The following GALNTL6 variants were observed in gnomAD, a reference collection of about 807,000 sequenced individuals.
GALNTL6 encodes the protein polypeptide N-acetylgalactosaminyltransferase-like 6.
In GALNTL6, 46 loss-of-function variants were observed where a neutral mutation model predicts 73.7. That is an observed-to-expected ratio of 0.62 (90% CI 0.49 to 0.80). The LOEUF (loss-of-function observed/expected upper bound fraction) is 0.80. Ranked by LOEUF, GALNTL6 falls within the 30% of genes least tolerant of loss-of-function variation. The pLI, the probability that GALNTL6 is intolerant of heterozygous loss-of-function variation, is 0.00. For missense variants in GALNTL6, 604 were observed against 755.0 expected (o/e 0.80, Z 2.34); for synonymous variants, 259 against 263.7 (o/e 0.98, Z 0.17).
intron 4 of GALNTL6, among the ~76,000 whole-genome samples, chr4:172,312,342 T>C (rs1229253122): frequency 6.6e-6 from 1 of 152,168 alleles, no homozygotes; most frequent in Non-Finnish European, 1.5e-5. Context: ...CTATATATAC[T>C]TACCCCAAAT....
At chr4:172,930,278 CAA>C (rs201282467) in intron 8 of GALNTL6, among the ~76,000 whole-genome samples, 1 of 135,846 alleles carries the variant, frequency 7.4e-6, no homozygotes. Flanking sequence ...AACTCCATCT[CAA>C]AAAAAAAAAA....
chr4:172,293,136 C>G (rs1739528803), intron 3 of GALNTL6, among the ~76,000 whole-genome samples: 2 of 152,082 alleles, frequency 1.3e-5, no homozygotes, highest in Admixed American at 1.3e-4. Context: ...TCTAAGTCAT[C>G]CTACTCTTCA....
intron 2 of GALNTL6, among the ~76,000 whole-genome samples, chr4:172,047,385 A>G (rs185412512): frequency 2.6e-5 from 4 of 152,286 alleles, no homozygotes; most frequent in African/African-American, 9.6e-5. Context: ...AACATTTATT[A>G]TATCAGAAAT....
intron 2 of GALNTL6, among the ~76,000 whole-genome samples, chr4:172,103,715 G>A (rs1019991109): frequency 6.6e-6 from 1 of 152,158 alleles, no homozygotes; most frequent in African/African-American, 2.4e-5. Flanking sequence ...AGGCTAAAGA[G>A]GATATCTGTG....
At chr4:171,931,795 G>C (rs141563448) in intron 2 of GALNTL6, among the ~76,000 whole-genome samples, 3 of 151,606 alleles carry the variant, frequency 2.0e-5, no homozygotes, top group African/African-American at 7.3e-5. Flanking sequence ...GCTGTCACTT[G>C]TTCACTCCAT....
rs1740438567 is a variant in GALNTL6, at chr4:171,994,726, T to TGAA, written c.138+180009_138+180011dup. Among the ~76,000 whole-genome samples the TGAA allele has an allele frequency of 4.5e-5, 6 of 133,504 alleles. No individual in the cohort carries two copies. In the South Asian group the frequency reaches 9.1e-4, roughly 20 times the overall value. 87.6% of individuals were successfully genotyped at this position (133,504 alleles called of 152,430 possible). A position where few individuals can be genotyped will look rare whatever the true frequency, so the allele number is the denominator to read the frequency against. Reference sequence around the variant, plus strand: ...GTTATTGCTATTGCAATACAAAATATGAAAAAAAAAGAACCAGGAATATCT... The same window carrying TGAA: ...GTTATTGCTATTGCAATACAAAATATGAAGAAAAAAAAAGAACCAGGAATATCT... On this transcript the variant is annotated intron_variant, in intron 2 of 12. Transcript: ENST00000506823.
chr4:172,881,797 T>C (rs1464225284), intron 7 of GALNTL6, among the ~76,000 whole-genome samples: 2 of 152,204 alleles, frequency 1.3e-5, no homozygotes, highest in Non-Finnish European at 2.9e-5. Flanking sequence ...CATTTGTATA[T>C]AGTTATCTCT....
intron 5 of GALNTL6, among the ~76,000 whole-genome samples, chr4:172,502,666 A>G (rs1040745412): frequency 6.6e-6 from 1 of 152,242 alleles, no homozygotes; most frequent in Admixed American, 6.5e-5. Flanking sequence ...CCAAAAATCA[A>G]GTTAGTTTAA....
At chr4:171,853,547 C>G (rs1209074035) in intron 2 of GALNTL6, among the ~76,000 whole-genome samples, 1 of 145,756 alleles carries the variant, frequency 6.9e-6, no homozygotes, top group East Asian at 2.0e-4. Flanking sequence ...ATTTTTCTCT[C>G]CCTTTATTTT....
At position 172,553,208 on chromosome 4, in the gene GALNTL6, T is replaced by A. The variant is rs74846955; in HGVS notation, c.553+204519T>A. 8.6e-3 allele frequency among the ~76,000 whole-genome samples: 1,304 copies of A among 152,322 alleles called. 14 individuals carry two copies. The highest frequency in any genetic ancestry group is 0.041 in the East Asian group (212 of 5,180). On this transcript the variant is annotated intron_variant, in intron 5 of 12. Transcript: ENST00000506823. Reference sequence around the variant, plus strand: ...TCAAACCCAATATTTATGCTTTGGGTGTGAATTACCAGTTTCTTCCAAGAC... The same window carrying A: ...TCAAACCCAATATTTATGCTTTGGGAGTGAATTACCAGTTTCTTCCAAGAC...
intron 8 of GALNTL6, among the ~76,000 whole-genome samples, chr4:172,907,849 CAT>C (rs1746987720): frequency 6.6e-6 from 1 of 152,170 alleles, no homozygotes; most frequent in South Asian, 2.1e-4. Flanking sequence ...AGCACCTCAG[CAT>C]ATGACTTTTT....
chr4:172,566,675 A>C (rs1413371866), intron 5 of GALNTL6, among the ~76,000 whole-genome samples: 1 of 152,062 alleles, frequency 6.6e-6, no homozygotes, highest in Non-Finnish European at 1.5e-5. Flanking sequence ...TGGGAAGAAA[A>C]AATATTAAAG....
intron 2 of GALNTL6, among the ~76,000 whole-genome samples, chr4:171,983,152 G>A (rs2111083183): frequency 6.6e-6 from 1 of 152,212 alleles, no homozygotes; most frequent in Non-Finnish European, 1.5e-5. Context: ...TATAGTTTTA[G>A]GCCTGCCTTA....
intron 2 of GALNTL6, among the ~76,000 whole-genome samples, chr4:172,013,937 T>A (rs1000585550): frequency 6.7e-6 from 1 of 149,304 alleles, no homozygotes; most frequent in South Asian, 2.2e-4. Flanking sequence ...TTGTTTTAAT[T>A]TTTAGCTTCC....
At chr4:172,296,743 T>A (rs553913710) in intron 3 of GALNTL6, among the ~76,000 whole-genome samples, 1 of 152,330 alleles carries the variant, frequency 6.6e-6, no homozygotes, top group East Asian at 1.9e-4. Context: ...GTGCCACATT[T>A]TCTTAATCCA....
chr4:172,689,185 T>C (rs1733112444), intron 5 of GALNTL6, among the ~76,000 whole-genome samples: 1 of 152,210 alleles, frequency 6.6e-6, no homozygotes, highest in Admixed American at 6.5e-5. Flanking sequence ...CAGGATGAGA[T>C]TATAGCTGAA....
At chr4:171,878,311 GTGTAA>G (rs1275846119) in intron 2 of GALNTL6, among the ~76,000 whole-genome samples, 20 of 152,284 alleles carry the variant, frequency 1.3e-4, no homozygotes, top group African/African-American at 4.6e-4. Context: ...TTATAGACTT[GTGTAA>G]TGAGGCTTTA....
chr4:171,854,735 T>C (rs1370668366), intron 2 of GALNTL6, among the ~76,000 whole-genome samples: 1 of 152,236 alleles, frequency 6.6e-6, no homozygotes, highest in Non-Finnish European at 1.5e-5. Context: ...ATCTTCTCAC[T>C]GTGTTCTTAC....
At chr4:171,898,097 T>C (rs1472245834) in intron 2 of GALNTL6, among the ~76,000 whole-genome samples, 1 of 152,042 alleles carries the variant, frequency 6.6e-6, no homozygotes, top group Non-Finnish European at 1.5e-5. Context: ...ACAAAAGATA[T>C]ATGAAAGGCA....
Sources: gnomAD v4.1 joint callset for allele counts (sites outside exome capture counted in the v4.1 genomes callset) on GRCh38, gnomAD v4.1.1 for gene constraint, MANE v1.5 for transcripts, NCBI Gene and HGNC (gene_info 2026-07-23, HGNC 2026-07-21) for gene names.